Variants in VMP1 observed in about 807,000 individuals in gnomAD.
The protein encoded by VMP1 is ectopic P-granules autophagy protein 3 homolog.
In VMP1, 11 loss-of-function variants were observed where a neutral mutation model predicts 56.0. The observed-to-expected ratio is 0.20, with a 90% CI of 0.12 to 0.32. The LOEUF (loss-of-function observed/expected upper bound fraction) is 0.32. VMP1 is among the 10% of genes least tolerant of loss of function. The pLI is 1.00. For missense variants in VMP1, 296 were observed against 490.3 expected (o/e 0.60, Z 3.74); for synonymous variants, 149 against 165.0 (o/e 0.90, Z 0.74).
intron 5 of VMP1, among the ~76,000 whole-genome samples, chr17:59,764,321 G>A (rs1055335460): frequency 6.6e-6 from 1 of 152,026 alleles, no homozygotes; most frequent in African/African-American, 2.4e-5. Flanking sequence ...TGGCCACAGA[G>A]GAACACAAGG....
chr17:59,714,065 AAAG>A (rs953779182), intron 1 of VMP1, among the ~76,000 whole-genome samples: 6 of 151,882 alleles, frequency 4.0e-5, no homozygotes, highest in South Asian at 2.1e-4. Context: ...AAAAAAAAAA[AAAG>A]AAGGTTTCTT....
rs890070955 is a variant in VMP1, at chr17:59,834,449, G to T, written c.975-3846G>T. 4.6e-5 allele frequency among the ~76,000 whole-genome samples: 7 copies of T among 151,692 alleles called. No individual in the cohort carries two copies. In the South Asian group the frequency reaches 6.2e-4, roughly 13 times the overall value. ...CTGGCTACTTTTGTTTTTTGGGGGG[G>T]TTTTTTGTTTTTTTGGTTTTTTTAT... On this transcript the variant is annotated intron_variant, in intron 10 of 11. Coordinates refer to ENST00000262291, the MANE Select transcript of VMP1 (RefSeq NM_030938.5).
At chr17:59,736,560 A>T (rs181874358) in intron 3 of VMP1, among the ~76,000 whole-genome samples, 2 of 151,598 alleles carry the variant, frequency 1.3e-5, no homozygotes, top group Admixed American at 1.3e-4. Flanking sequence ...CCTGGCCAAC[A>T]TGGTGAAACC....
intron 1 of VMP1, among the ~76,000 whole-genome samples, chr17:59,708,948 C>T (rs964130572): frequency 6.6e-6 from 1 of 152,168 alleles, no homozygotes; most frequent in African/African-American, 2.4e-5. Context: ...TCTTAAGGCA[C>T]TGAAGGTTAC....
intron 10 of VMP1, among the ~76,000 whole-genome samples, chr17:59,820,361 G>C (rs999573495): frequency 1.3e-5 from 2 of 152,118 alleles, no homozygotes; most frequent in Non-Finnish European, 2.9e-5. Context: ...GAACTGTCCT[G>C]TGCATTATAA....
At chr17:59,787,003 G>C (rs749019859) in intron 7 of VMP1, among the ~76,000 whole-genome samples, 4 of 152,136 alleles carry the variant, frequency 2.6e-5, no homozygotes, top group Non-Finnish European at 5.9e-5. Context: ...TTGAAAAGGC[G>C]GGCCTGGTAG....
intron 1 of VMP1, among the ~76,000 whole-genome samples, chr17:59,728,444 A>G (rs1297926474): frequency 2.0e-5 from 3 of 152,160 alleles, no homozygotes; most frequent in Non-Finnish European, 4.4e-5. Flanking sequence ...TAACTCATAT[A>G]TCTGACTTTG....
chr17:59,826,827 A>G (rs570853136), intron 10 of VMP1, among the ~76,000 whole-genome samples: 1 of 152,256 alleles, frequency 6.6e-6, no homozygotes, highest in Admixed American at 6.5e-5. Context: ...GAAGGGGGAC[A>G]CTCCTGAGGG....
At chr17:59,807,211 T>G (rs2037874595) in intron 7 of VMP1, among the ~76,000 whole-genome samples, 1 of 151,076 alleles carries the variant, frequency 6.6e-6, no homozygotes, top group African/African-American at 2.4e-5. Flanking sequence ...TTTTTTTTTT[T>G]TTTGAGACGG....
At chr17:59,788,621 A>G (rs2037096656) in intron 7 of VMP1, among the ~76,000 whole-genome samples, 1 of 152,042 alleles carries the variant, frequency 6.6e-6, no homozygotes, top group Non-Finnish European at 1.5e-5. Context: ...CTGGCCAATA[A>G]TGGCGAAACC....
At chr17:59,822,917 C>CA (rs1384071018) in intron 10 of VMP1, among the ~76,000 whole-genome samples, 2 of 151,824 alleles carry the variant, frequency 1.3e-5, no homozygotes, top group African/African-American at 4.8e-5. Flanking sequence ...TCTGTCTCTA[C>CA]AAAAAAACGC....
At chr17:59,803,232 T>C (rs2037736501) in intron 7 of VMP1, among the ~76,000 whole-genome samples, 1 of 152,224 alleles carries the variant, frequency 6.6e-6, no homozygotes. Flanking sequence ...ATCATAAATA[T>C]CTTTCTTAAG....
chr17:59,774,940 AAT>A (rs2036564598), intron 7 of VMP1, among the ~76,000 whole-genome samples: 1 of 137,494 alleles, frequency 7.3e-6, no homozygotes, highest in Non-Finnish European at 1.6e-5. Context: ...CTACAAAAAA[AAT>A]TTTTTTTTTT....
chr17:59,770,295 C>A (rs766757612), intron 6 of VMP1, among the ~76,000 whole-genome samples: 2 of 152,134 alleles, frequency 1.3e-5, no homozygotes, highest in Non-Finnish European at 2.9e-5. Context: ...TTCTGTCCTA[C>A]TTTTTTCTAT....
intron 5 of VMP1, among the ~76,000 whole-genome samples, chr17:59,762,675 A>G (rs578089645): frequency 6.6e-6 from 1 of 152,302 alleles, no homozygotes; most frequent in East Asian, 1.9e-4. Context: ...AGGCTGAGTA[A>G]TCATGACTTA....
In VMP1 at chr17:59,780,066, G is replaced by A. The variant is rs547718048; in HGVS notation, c.714+6181G>A. The stretch of plus-strand genomic sequence containing the variant: ...TGTCCCTGATTAGTTACTTTTTGAG[G>A]GGATCTTCTCTGATACCACTTTTTC... On this transcript the variant is annotated intron_variant, in intron 7 of 11. Transcript: ENST00000262291. 2.0e-5 allele frequency among the ~76,000 whole-genome samples: 3 copies of A among 151,994 alleles called. No individual in the cohort carries two copies. The South Asian group carries it at 6.2e-4, about 31-fold the overall frequency.
chr17:59,823,438 G>C (rs2038521589), intron 10 of VMP1, among the ~76,000 whole-genome samples: 1 of 128,792 alleles, frequency 7.8e-6, no homozygotes, highest in Admixed American at 8.7e-5. Flanking sequence ...ATGACAGTGA[G>C]ATATGTCTCA....
In VMP1 at chr17:59,840,217, A is replaced by G; in HGVS notation, c.*306A>G. 3.5e-6 allele frequency: 1 copy of G among 283,702 alleles called. No homozygotes were observed. Among genetic ancestry groups the G allele is most frequent in the Non-Finnish European group, 6.6e-6 (1 of 151,888 alleles). 17.6% of individuals were successfully genotyped at this position (283,702 alleles called of 1,614,324 possible). ...CAAAAGGCCCACATGATACAATTAG[A>G]GAATTCCCACCGCACAAAAAAAGTT... On this transcript the variant is annotated 3_prime_UTR_variant, in exon 12 of 12. Coordinates refer to ENST00000262291, the MANE Select transcript of VMP1 (RefSeq NM_030938.5).
At chr17:59,822,869 G>A (rs2038501885) in intron 10 of VMP1, among the ~76,000 whole-genome samples, 1 of 152,218 alleles carries the variant, frequency 6.6e-6, no homozygotes, top group East Asian at 1.9e-4. Flanking sequence ...TTTGAAGCTA[G>A]GAATTCAGGA....
Sources: allele counts gnomAD v4.1 joint callset (sites outside exome capture counted in the v4.1 genomes callset), GRCh38; gene constraint gnomAD v4.1.1; transcripts MANE v1.5; gene names NCBI Gene and HGNC (gene_info 2026-07-23, HGNC 2026-07-21).